Variants in SORBS3 observed in about 807,000 individuals in gnomAD.
SORBS3 encodes the protein vinexin.
In SORBS3, 69 loss-of-function variants were observed where a neutral mutation model predicts 98.0. The observed-to-expected ratio is 0.70, with a 90% confidence interval of 0.58 to 0.86. The LOEUF (loss-of-function observed/expected upper bound fraction) is 0.86, where lower values mean the gene tolerates loss of function less well. Ranked by LOEUF, SORBS3 falls within the 40% of genes least tolerant of loss-of-function variation. The pLI is 0.00. For missense variants in SORBS3, 954 were observed against 908.5 expected (o/e 1.05, Z -0.64); for synonymous variants, 394 against 355.4 (o/e 1.11, Z -1.22).
chr8:22,549,305 AGCCAGCCG>A (rs1022915980), upstream of SORBS3, among the ~76,000 whole-genome samples: 8 of 152,200 alleles, frequency 5.3e-5, no homozygotes, highest in Admixed American at 6.5e-5. Flanking sequence ...TGTTGTTGAC[AGCCAGCCG>A]GCCAGCCGCC....
chr8:22,549,758 C>T (rs1349982860), upstream of SORBS3: 1 of 153,304 alleles, frequency 6.5e-6, no homozygotes, highest in East Asian at 1.9e-4. Flanking sequence ...GCTGTTTACT[C>T]AACGCCCGAT....
At chr8:22,553,223 G>A (rs910861174) in intron 1 of SORBS3, among the ~76,000 whole-genome samples, 11 of 151,978 alleles carry the variant, frequency 7.2e-5, no homozygotes, top group Non-Finnish European at 1.5e-4. Context: ...TGGTCCCTCC[G>A]GTGGTCCCCC....
At position 22,566,718 on chromosome 8, in the gene SORBS3, G is replaced by T; in HGVS notation, c.1143+5G>T. Reference sequence around the variant, plus strand: ...GCCAGGAGGGAAGAGAAGAAGGTAAGGAGGGGACCAGGTGTGGGGGACCTG... The same window carrying T: ...GCCAGGAGGGAAGAGAAGAAGGTAATGAGGGGACCAGGTGTGGGGGACCTG... On this transcript the variant is annotated splice_donor_5th_base_variant and intron_variant, in intron 14 of 20. Coordinates refer to ENST00000240123, the MANE Select transcript of SORBS3 (RefSeq NM_005775.5). The T allele has an allele frequency of 6.8e-6, 11 of 1,613,510 alleles. No homozygotes were observed. Among genetic ancestry groups the T allele is most frequent in the Non-Finnish European group, 8.5e-6 (10 of 1,179,782 alleles).
intron 1 of SORBS3, 79 bp downstream of exon 1, chr8:22,552,101 T>C (rs910067788): frequency 3.6e-5 from 35 of 976,432 alleles, no homozygotes; most frequent in Non-Finnish European, 4.1e-5. Flanking sequence ...GAATCGCACC[T>C]AGCCCCTCCC....
chr8:22,574,598 A>G (rs1181429793), intron 20 of SORBS3, 69 bp from the exon 21 acceptor site: 2 of 1,503,486 alleles, frequency 1.3e-6, no homozygotes, highest in East Asian at 4.5e-5. Flanking sequence ...GGCAGGGGGC[A>G]GGCCCTCACC....
chr8:22,552,650 C>T (rs577186281), intron 1 of SORBS3, among the ~76,000 whole-genome samples: 3 of 152,260 alleles, frequency 2.0e-5, no homozygotes, highest in African/African-American at 7.2e-5. Flanking sequence ...TCACCGAGCA[C>T]GAGGTGGGCG....
At chr8:22,560,059 A>AG (rs1840261388) in intron 5 of SORBS3, among the ~76,000 whole-genome samples, 1 of 150,874 alleles carries the variant, frequency 6.6e-6, no homozygotes, top group African/African-American at 2.4e-5. Context: ...TCAGTCTCAA[A>AG]AAAAAAAAAA....
chr8:22,567,289 G>A (rs539747106), intron 16 of SORBS3, 114 bp downstream of exon 16: 50 of 719,396 alleles, frequency 7.0e-5, no homozygotes, highest in Non-Finnish European at 1.0e-4. Context: ...GGGCTGGGGC[G>A]TGTCTCGGAA....
chr8:22,549,121 C>G (rs1257917975), upstream of SORBS3, among the ~76,000 whole-genome samples: 4 of 152,220 alleles, frequency 2.6e-5, no homozygotes, highest in African/African-American at 9.6e-5. Context: ...AGTTATGTAA[C>G]TGTGTTTACT....
Position 22,574,764 on chromosome 8 carries a change from G to A in SORBS3, c.*36G>A, listed in dbSNP as rs746791214. ...TGGCAACTTGGAGCCAGCCAGGATG[G>A]GGTGGGGAGCGGTGGCACTCGTGGG... On this transcript the variant is annotated 3_prime_UTR_variant, in exon 21 of 21. Transcript: ENST00000240123. 3.7e-6 allele frequency: 6 copies of A among 1,604,380 alleles called. No homozygotes were observed. In the South Asian group the frequency reaches 6.6e-5, roughly 18 times the overall value.
chr8:22,565,823 C>T lies in SORBS3; in HGVS notation c.904-3C>T, dbSNP rs948515995. ...GCCCTGATTGCGCCGTTTCCCCGCGCAGAGCTCGCCGGCGCCCCGACGGGC... is the reference window on the plus strand; with the variant it reads ...GCCCTGATTGCGCCGTTTCCCCGCGTAGAGCTCGCCGGCGCCCCGACGGGC... On this transcript the variant is annotated splice_region_variant and splice_polypyrimidine_tract_variant and intron_variant, in intron 11 of 20. Coordinates refer to ENST00000240123, the MANE Select transcript of SORBS3 (RefSeq NM_005775.5). 5 of 1,309,246 alleles carry T rather than the reference C, an allele frequency of 3.8e-6. No homozygotes were observed. In the African/African-American group the frequency reaches 6.2e-5, roughly 16 times the overall value. 81.1% of individuals were successfully genotyped at this position (1,309,246 alleles called of 1,614,324 possible).
At chr8:22,551,340 C>G (rs969690102), upstream of SORBS3, among the ~76,000 whole-genome samples, 3 of 152,212 alleles carry the variant, frequency 2.0e-5, no homozygotes, top group African/African-American at 7.2e-5. The surrounding 1 kb of genome is among the most constrained non-coding windows in gnomAD (Gnocchi z 5.8). Flanking sequence ...TCCCCTGGTC[C>G]GCTCCGCCAC....
intron 10 of SORBS3, 104 bp from the exon 11 acceptor site, chr8:22,565,164 C>A: frequency 6.7e-7 from 1 of 1,483,968 alleles, no homozygotes; most frequent in South Asian, 1.2e-5. Flanking sequence ...TGCCCTTACG[C>A]CGGCCCGGTG....
At chr8:22,561,679 G>A in intron 6 of SORBS3, 186 bp from the exon 7 acceptor site, 1 of 629,566 alleles carries the variant, frequency 1.6e-6, no homozygotes, top group Non-Finnish European at 2.9e-6. Flanking sequence ...TGTAGTAAAT[G>A]TCGTAAAGCT....
intron 6 of SORBS3, 151 bp downstream of exon 6, chr8:22,561,524 T>C: frequency 1.3e-6 from 1 of 794,842 alleles, no homozygotes; most frequent in Non-Finnish European, 2.1e-6. Flanking sequence ...TCCAGAGCAC[T>C]TCAAATCCCC....
At chr8:22,561,805 C>G in intron 6 of SORBS3, 60 bp from the exon 7 acceptor site, 1 of 1,451,778 alleles carries the variant, frequency 6.9e-7, no homozygotes, top group Non-Finnish European at 9.7e-7. Context: ...GCACCCTCAG[C>G]CCCAGTCACG....
intron 20 of SORBS3, among the ~76,000 whole-genome samples, chr8:22,573,871 A>C (rs1407987577): frequency 6.6e-6 from 1 of 152,192 alleles, no homozygotes; most frequent in African/African-American, 2.4e-5. Flanking sequence ...TCTTCCTCCC[A>C]GGCTGGAGGA....
In SORBS3 at chr8:22,570,703, A is replaced by T. The variant is rs550819707; in HGVS notation, c.1432-207A>T. 3.3e-5 allele frequency among the ~76,000 whole-genome samples: 5 copies of T among 152,318 alleles called. No individual in the cohort carries two copies. The South Asian group carries it at 1.0e-3, about 32-fold the overall frequency. On this transcript the variant is annotated intron_variant, in intron 17 of 20. Coordinates refer to ENST00000240123, the MANE Select transcript of SORBS3 (RefSeq NM_005775.5). ...GTTGAGCTTCCAAGAGGCAGGACCC[A>T]GTCTCAGCCTCAGCCTTGCCTGGGC...
chr8:22,565,738 C>G (rs1312938723), intron 11 of SORBS3, 88 bp from the exon 12 acceptor site: 18 of 1,271,882 alleles, frequency 1.4e-5, no homozygotes, highest in Middle Eastern at 3.1e-4. Context: ...CCTCCCCTCC[C>G]GAGCCGCGAA....
Sources: gnomAD v4.1 joint callset for allele counts (sites outside exome capture counted in the v4.1 genomes callset) on GRCh38, gnomAD v4.1.1 for gene constraint, Gnocchi (gnomAD v3.1) non-coding constraint, MANE v1.5 for transcripts, NCBI Gene and HGNC (gene_info 2026-07-23, HGNC 2026-07-21) for gene names.